Variants in ERC2 observed in about 807,000 individuals in gnomAD.
ERC2 encodes the protein ERC protein 2.
In ERC2, 42 loss-of-function variants were observed where a neutral mutation model predicts 114.8. The observed-to-expected ratio is 0.37, with a 90% CI of 0.29 to 0.47. The LOEUF (loss-of-function observed/expected upper bound fraction) is 0.47. ERC2 is among the 20% of genes least tolerant of loss of function. ERC2 has a pLI of 0.99. For synonymous variants in ERC2, 454 were observed against 425.5 expected, an observed-to-expected ratio of 1.07 and a Z score of -0.82; for missense variants, 939 against 1,150.7, an observed-to-expected ratio of 0.82 and a Z score of 2.66.
intron 6 of ERC2, among the ~76,000 whole-genome samples, chr3:56,126,807 G>GGAAAGGAAAGGAAAGGA (rs2079893550): frequency 8.4e-5 from 9 of 107,460 alleles, no homozygotes; most frequent in African/African-American, 3.5e-4. Flanking sequence ...AAAGGAAAGG[G>GGAAAGGAAAGGAAAGGA]AAGGAAAGGA....
intron 7 of ERC2, among the ~76,000 whole-genome samples, chr3:56,077,245 A>T (rs1382669504): frequency 6.6e-6 from 1 of 152,168 alleles, no homozygotes; most frequent in African/African-American, 2.4e-5. Context: ...TCCCTTTCAC[A>T]TTGCAGGTAT....
intron 17 of ERC2, among the ~76,000 whole-genome samples, chr3:55,592,143 A>G (rs1210212126): frequency 6.6e-6 from 1 of 152,196 alleles, no homozygotes; most frequent in East Asian, 1.9e-4. Context: ...CTGGTTGCTC[A>G]TGAACGAATC....
Position 55,782,000 on chromosome 3 carries a change from G to A in ERC2, c.2565-47082C>T, listed in dbSNP as rs561261395. Among the ~76,000 whole-genome samples the A allele has an allele frequency of 1.6e-4, 25 of 152,242 alleles. No individual in the cohort carries two copies. In the South Asian group the frequency reaches 5.2e-3, roughly 32 times the overall value. ...TTCCCTGTGGATTGGGAACGATGGA[G>A]TTGTAGAGAGAAGGGGATCTGAGGG... is the stretch of plus-strand genomic sequence containing the variant. On this transcript the variant is annotated intron_variant, in intron 14 of 17. Transcript: ENST00000288221.
chr3:56,049,453 T>C (rs1310993678), intron 7 of ERC2, among the ~76,000 whole-genome samples: 3 of 152,162 alleles, frequency 2.0e-5, no homozygotes, highest in Non-Finnish European at 4.4e-5. Flanking sequence ...TCAACTTGAT[T>C]GGACTGAAGG....
chr3:55,692,265 C>T (rs1280417219), intron 16 of ERC2, among the ~76,000 whole-genome samples: 1 of 152,196 alleles, frequency 6.6e-6, no homozygotes, highest in Non-Finnish European at 1.5e-5. Context: ...CGGCCTCAAG[C>T]TGGTGCCCCA....
At chr3:56,074,197 G>A (rs1309737315) in intron 7 of ERC2, among the ~76,000 whole-genome samples, 2 of 152,106 alleles carry the variant, frequency 1.3e-5, no homozygotes, top group Admixed American at 6.6e-5. Flanking sequence ...TAGTGTGGTG[G>A]TTAAGAATAG....
chr3:55,747,830 C>T (rs2066406919), intron 14 of ERC2, among the ~76,000 whole-genome samples: 1 of 152,224 alleles, frequency 6.6e-6, no homozygotes, highest in Non-Finnish European at 1.5e-5. Context: ...CACCTGAAGC[C>T]TTGCACTGCT....
intron 2 of ERC2, among the ~76,000 whole-genome samples, chr3:56,396,479 T>TTGAC (rs2060310266): frequency 6.6e-6 from 1 of 152,136 alleles, no homozygotes; most frequent in African/African-American, 2.4e-5. Flanking sequence ...ATGAGGTGGT[T>TTGAC]TGACATGTGC....
chr3:56,193,329 A>G (rs1306213062), intron 3 of ERC2, among the ~76,000 whole-genome samples: 2 of 152,104 alleles, frequency 1.3e-5, no homozygotes, highest in Non-Finnish European at 2.9e-5. Context: ...CCAACATGGC[A>G]AAACCCCGTC....
rs955546908 is a variant in ERC2, at chr3:56,439,748, G to GT, written c.-140-4602dup. Among the ~76,000 whole-genome samples, 96 of 148,080 alleles carry GT rather than the reference G, an allele frequency of 6.5e-4. 1 individual carries two copies. Among genetic ancestry groups the GT allele is most frequent in the South Asian group, 2.4e-3 (11 of 4,640 alleles). On this transcript the variant is annotated intron_variant, in intron 1 of 17. Coordinates refer to ENST00000288221, the MANE Select transcript of ERC2 (RefSeq NM_015576.3). ...TAATAAAATTTCTACTTCCTTTATG[G>GT]TTTTTTTTTGCCCTTTTGCATTGAA... is the stretch of plus-strand genomic sequence containing the variant.
chr3:55,939,792 T>C (rs1483010271), intron 13 of ERC2, among the ~76,000 whole-genome samples: 1 of 152,208 alleles, frequency 6.6e-6, no homozygotes, highest in Non-Finnish European at 1.5e-5. Context: ...CATAGTTCCT[T>C]CCCTTGAGAA....
At chr3:55,855,511 G>A (rs960543379) in intron 14 of ERC2, among the ~76,000 whole-genome samples, 1 of 152,174 alleles carries the variant, frequency 6.6e-6, no homozygotes, top group South Asian at 2.1e-4. Context: ...TGATAACTAC[G>A]TCTGCTTTCT....
At chr3:56,208,674 C>T (rs2048879335) in intron 3 of ERC2, among the ~76,000 whole-genome samples, 1 of 152,220 alleles carries the variant, frequency 6.6e-6, no homozygotes, top group Non-Finnish European at 1.5e-5. Flanking sequence ...GGGCTGCTAA[C>T]TTCTCAGAAG....
intron 14 of ERC2, among the ~76,000 whole-genome samples, chr3:55,759,562 G>A (rs1394252963): frequency 2.4e-5 from 3 of 127,552 alleles, no homozygotes; most frequent in Non-Finnish European, 5.0e-5. Flanking sequence ...AAGGACGAAA[G>A]ACTAAACAAC....
chr3:55,763,183 C>A (rs1054887990), intron 14 of ERC2, among the ~76,000 whole-genome samples: 1 of 152,166 alleles, frequency 6.6e-6, no homozygotes, highest in Non-Finnish European at 1.5e-5. Flanking sequence ...GTGGCAGGAA[C>A]AATGACAAGT....
chr3:55,994,453 T>A (rs189485368), intron 10 of ERC2, among the ~76,000 whole-genome samples: 1 of 152,140 alleles, frequency 6.6e-6, no homozygotes, highest in East Asian at 1.9e-4. Flanking sequence ...ATCTTATATT[T>A]ACAAAAGATT....
At chr3:55,997,731 T>G (rs900349840) in intron 10 of ERC2, among the ~76,000 whole-genome samples, 15 of 150,114 alleles carry the variant, frequency 1.0e-4, no homozygotes, top group Non-Finnish European at 1.6e-4. Context: ...CAAAAAAAAA[T>G]TACAATATCA....
At chr3:56,396,226 T>C (rs1004150005) in intron 2 of ERC2, among the ~76,000 whole-genome samples, 3 of 152,224 alleles carry the variant, frequency 2.0e-5, no homozygotes, top group East Asian at 1.9e-4. Context: ...TCTTGCTCAA[T>C]TGGGTATTTG....
At chr3:55,656,951 G>A (rs2060896537) in intron 17 of ERC2, among the ~76,000 whole-genome samples, 1 of 152,198 alleles carries the variant, frequency 6.6e-6, no homozygotes, top group Non-Finnish European at 1.5e-5. Context: ...AAGGGCATCA[G>A]GCTAAGAGGC....
Sources: allele counts gnomAD v4.1 joint callset (sites outside exome capture counted in the v4.1 genomes callset), GRCh38; gene constraint gnomAD v4.1.1; transcripts MANE v1.5; gene names NCBI Gene and HGNC (gene_info 2026-07-23, HGNC 2026-07-21).